Variants in PHACTR4 observed in about 807,000 individuals in gnomAD.
PHACTR4 encodes phosphatase and actin regulator 4, also known as protein phosphatase 1, regulatory subunit 124.
Under a neutral mutation model 72.7 loss-of-function variants are expected in PHACTR4, and 51 were observed. The ratio of observed to expected loss-of-function variants is 0.70; its 90% CI spans 0.56 to 0.89. The LOEUF is 0.89. Ranked by LOEUF, PHACTR4 falls within the 40% of genes least tolerant of loss-of-function variation. The pLI, the probability that PHACTR4 is intolerant of heterozygous loss-of-function variation, is 0.00. For missense variants in PHACTR4, 731 were observed against 861.8 expected, an observed-to-expected ratio of 0.85 and a Z score of 1.90; for synonymous variants, 255 against 302.5, an observed-to-expected ratio of 0.84 and a Z score of 1.63.
chr1:28,424,083 A>G (rs1655680023), intron 2 of PHACTR4, among the ~76,000 whole-genome samples: 1 of 152,242 alleles, frequency 6.6e-6, no homozygotes, highest in Admixed American at 6.5e-5. Context: ...GAGAACAGAA[A>G]TCAGCTTTGA....
At chr1:28,493,791 TGAG>T (rs1303599624) in intron 13 of PHACTR4, among the ~76,000 whole-genome samples, 1 of 152,158 alleles carries the variant, frequency 6.6e-6, no homozygotes, top group African/African-American at 2.4e-5. Flanking sequence ...AGGTTATAAA[TGAG>T]GAGACTGTGC....
intron 3 of PHACTR4, 135 bp downstream of exon 3, chr1:28,459,393 T>TTA: frequency 5.0e-5 from 33 of 664,314 alleles, no homozygotes; most frequent in East Asian, 9.8e-5. Context: ...TCTTTCCTTC[T>TTA]TCTTTTTTTT....
At chr1:28,457,777 C>G (rs1658497539) in intron 2 of PHACTR4, 25 of 952,034 alleles carry the variant, frequency 2.6e-5, no homozygotes, top group Non-Finnish European at 3.1e-5. Context: ...AGTAGAGGTT[C>G]CACTTTAATT....
intron 1 of PHACTR4, among the ~76,000 whole-genome samples, chr1:28,404,095 A>G (rs1024835195): frequency 6.6e-6 from 1 of 151,976 alleles, no homozygotes; most frequent in Non-Finnish European, 1.5e-5. Flanking sequence ...GACTATAGGC[A>G]CGTGCCACCA....
intron 2 of PHACTR4, among the ~76,000 whole-genome samples, chr1:28,419,451 AACAT>A (rs1655361403): frequency 6.6e-6 from 1 of 151,972 alleles, no homozygotes; most frequent in Non-Finnish European, 1.5e-5. Flanking sequence ...TAGTGTAAAA[AACAT>A]ATATAAAGTG....
chr1:28,495,623 T>A (rs1184516730), intron 13 of PHACTR4, among the ~76,000 whole-genome samples: 4 of 145,580 alleles, frequency 2.7e-5, no homozygotes, highest in African/African-American at 5.0e-5. Context: ...ATTTTTTTTT[T>A]TTTTATTTTT....
At chr1:28,378,580 CTTT>C (rs1553181674) in intron 1 of PHACTR4, among the ~76,000 whole-genome samples, 2 of 63,538 alleles carry the variant, frequency 3.1e-5, no homozygotes, top group Non-Finnish European at 7.9e-5. Context: ...CCCCCCCCCC[CTTT>C]TTTTTTAACA....
chr1:28,418,499 AAAAC>A lies in PHACTR4; in HGVS notation c.16+11048_16+11051del, dbSNP rs376072457. Among the ~76,000 whole-genome samples the A allele has an allele frequency of 3.2e-4, 49 of 152,122 alleles. 1 individual carries two copies. The highest frequency in any genetic ancestry group is 1.5e-3 in the South Asian group (7 of 4,818). Reference sequence around the variant, plus strand: ...CCATCTCAAAAACAAAAAACAAAACAAAACAAACAAACAAATACATTTGTTCTAT... The same window carrying A: ...CCATCTCAAAAACAAAAAACAAAACAAAACAAACAAATACATTTGTTCTAT... On this transcript the variant is annotated intron_variant, in intron 2 of 13. Transcript: ENST00000373839.
Position 28,498,132 on chromosome 1 carries a change from T to C in PHACTR4, c.*1583T>C, listed in dbSNP as rs1043814064. 2 of 152,192 alleles carry C rather than the reference T, an allele frequency of 1.3e-5. No individual in the cohort carries two copies. The highest frequency in any genetic ancestry group is 4.8e-5 in the African/African-American group (2 of 41,448). The allele number at this position is 152,192 out of a possible 1,614,324, so 9.4% of individuals were successfully genotyped here. A position where few individuals can be genotyped will look rare whatever the true frequency, so the allele number is the denominator to read the frequency against. ...CGACCAATAAATGTATTCTCCTCCT[T>C]AAAGCAGAGTTGTATCAACTCTGTG... On this transcript the variant is annotated 3_prime_UTR_variant, in exon 14 of 14. Transcript: ENST00000373839.
chr1:28,498,542 T>A lies in PHACTR4; in HGVS notation c.*1993T>A, dbSNP rs1570137095. ...TATTGAAAACCATACAGTCTCACTG[T>A]TTTGCTTTAATTCCTATCCACACTA... On this transcript the variant is annotated 3_prime_UTR_variant, in exon 14 of 14. Coordinates refer to ENST00000373839, the MANE Select transcript of PHACTR4 (RefSeq NM_001048183.3). 6.6e-6 allele frequency: 1 copy of A among 152,334 alleles called. No homozygotes were observed. Among genetic ancestry groups the A allele is most frequent in the Non-Finnish European group, 1.5e-5 (1 of 68,032 alleles). 9.4% of individuals were successfully genotyped at this position (152,334 alleles called of 1,614,324 possible). A position where few individuals can be genotyped will look rare whatever the true frequency, so the allele number is the denominator to read the frequency against.
At chr1:28,491,824 C>A in intron 12 of PHACTR4, 37 bp downstream of exon 12, 1 of 1,592,360 alleles carries the variant, frequency 6.3e-7, no homozygotes, top group Non-Finnish European at 8.5e-7. Flanking sequence ...TTTTCTCTTT[C>A]TCTTTTTCTC....
chr1:28,437,942 G>A (rs1656738774), intron 2 of PHACTR4, among the ~76,000 whole-genome samples: 1 of 152,184 alleles, frequency 6.6e-6, no homozygotes, highest in African/African-American at 2.4e-5. Context: ...GTTTTTGTGT[G>A]ATTAAATTTG....
chr1:28,431,405 G>A (rs1354633606), intron 2 of PHACTR4, among the ~76,000 whole-genome samples: 2 of 150,588 alleles, frequency 1.3e-5, no homozygotes, highest in South Asian at 4.2e-4. Flanking sequence ...ATGTTAGCCA[G>A]GATGGTCTTG....
chr1:28,434,163 C>T (rs1237181447), intron 2 of PHACTR4, among the ~76,000 whole-genome samples: 2 of 152,186 alleles, frequency 1.3e-5, no homozygotes. Flanking sequence ...AAATTCTTGG[C>T]CATTTATACA....
chr1:28,486,399 T>C (rs892037352), intron 9 of PHACTR4, among the ~76,000 whole-genome samples: 2 of 152,104 alleles, frequency 1.3e-5, no homozygotes, highest in African/African-American at 4.8e-5. Context: ...ATATGTTCAT[T>C]CTTGCAATTG....
intron 2 of PHACTR4, among the ~76,000 whole-genome samples, chr1:28,441,716 A>AGAGT (rs1285536760): frequency 6.6e-6 from 1 of 152,228 alleles, no homozygotes; most frequent in East Asian, 1.9e-4. Flanking sequence ...CAATCAGGGC[A>AGAGT]GAGTGCATTG....
At chr1:28,473,450 G>A in intron 6 of PHACTR4, 104 bp from the exon 7 acceptor site, 3 of 843,738 alleles carry the variant, frequency 3.6e-6, no homozygotes, top group Non-Finnish European at 3.8e-6. Flanking sequence ...TATTTAACTT[G>A]CTTAAAAGAT....
rs1192911510 is a variant in PHACTR4, at chr1:28,500,069, T to C, written c.*3520T>C. On this transcript the variant is annotated 3_prime_UTR_variant, in exon 14 of 14. Coordinates refer to ENST00000373839, the MANE Select transcript of PHACTR4 (RefSeq NM_001048183.3). The stretch of plus-strand genomic sequence containing the variant: ...GTGCGTCACCAAGTAATCTGGTTCA[T>C]CTTTCGTCTCATTCATGTTATTTTC... 6.6e-6 allele frequency: 1 copy of C among 152,208 alleles called. No homozygotes were observed. Among genetic ancestry groups the C allele is most frequent in the Non-Finnish European group, 1.5e-5 (1 of 68,038 alleles). 9.4% of individuals were successfully genotyped at this position (152,208 alleles called of 1,614,324 possible). A position where few individuals can be genotyped will look rare whatever the true frequency, so the allele number is the denominator to read the frequency against.
At chr1:28,424,501 A>T (rs907212985) in intron 2 of PHACTR4, among the ~76,000 whole-genome samples, 3 of 150,966 alleles carry the variant, frequency 2.0e-5, no homozygotes, top group Admixed American at 6.6e-5. Flanking sequence ...TTTATTTATT[A>T]TTTTTTTTAG....
Sources: gnomAD v4.1 joint callset for allele counts (sites outside exome capture counted in the v4.1 genomes callset) on GRCh38, gnomAD v4.1.1 for gene constraint, MANE v1.5 for transcripts, NCBI Gene and HGNC (gene_info 2026-07-23, HGNC 2026-07-21) for gene names.